The following AVL9 variants were observed in gnomAD, a reference collection of about 807,000 sequenced individuals.
AVL9 encodes late secretory pathway protein AVL9 homolog.
AVL9 carries 49 observed loss-of-function variants against 79.2 expected under a neutral mutation model. The ratio of observed to expected loss-of-function variants is 0.62; its 90% CI spans 0.49 to 0.79. The LOEUF (loss-of-function observed/expected upper bound fraction) is 0.79, where lower values mean the gene tolerates loss of function less well. AVL9 is among the 30% of genes least tolerant of loss of function. The pLI is 0.00. For synonymous variants in AVL9, 299 were observed against 280.6 expected (o/e 1.07, Z -0.65); for missense variants, 682 against 776.8 (o/e 0.88, Z 1.45).
At chr7:32,511,028 A>G (rs1454096256) in intron 1 of AVL9, among the ~76,000 whole-genome samples, 1 of 121,506 alleles carries the variant, frequency 8.2e-6, no homozygotes. Context: ...TCCCCAGGGT[A>G]AGATTTGTGA....
At chr7:32,536,286 T>C (rs1236848545) in intron 1 of AVL9, 1 of 152,214 alleles carries the variant, frequency 6.6e-6, no homozygotes, top group African/African-American at 2.4e-5. Flanking sequence ...CCTACTACAC[T>C]TATCATCACT....
At chr7:32,519,060 A>G (rs920754083) in intron 1 of AVL9, among the ~76,000 whole-genome samples, 1 of 152,202 alleles carries the variant, frequency 6.6e-6, no homozygotes. Context: ...TGTTATATCT[A>G]TGATTATATG....
At chr7:32,522,208 C>G (rs1427084594) in intron 1 of AVL9, among the ~76,000 whole-genome samples, 1 of 152,194 alleles carries the variant, frequency 6.6e-6, no homozygotes, top group African/African-American at 2.4e-5. Flanking sequence ...CCATTGTCTT[C>G]TAGACCCCAG....
chr7:32,497,103 C>A (rs561429352), intron 1 of AVL9, among the ~76,000 whole-genome samples: 11 of 132,790 alleles, frequency 8.3e-5, no homozygotes, highest in African/African-American at 3.2e-4. Context: ...CTGTCTCAAT[C>A]CCAGCACTTT....
In AVL9 at chr7:32,584,255, A is replaced by G. The variant is rs578014273; in HGVS notation, c.*348A>G. On this transcript the variant is annotated 3_prime_UTR_variant, in exon 16 of 16. Coordinates refer to ENST00000318709, the MANE Select transcript of AVL9 (RefSeq NM_015060.3). ...AATTTTGTTCTGTTTTGGTGTTTGA[A>G]TATCTAGATGGTCACTGTAATTTAT... 1.6e-5 allele frequency: 4 copies of G among 250,424 alleles called. No individual in the cohort carries two copies. Among genetic ancestry groups the G allele is most frequent in the Non-Finnish European group, 3.2e-5 (4 of 126,900 alleles). 15.5% of individuals were successfully genotyped at this position (250,424 alleles called of 1,614,324 possible). A position where few individuals can be genotyped will look rare whatever the true frequency, so the allele number is the denominator to read the frequency against.
At chr7:32,531,599 TCTCAA>T in intron 1 of AVL9, 1 of 151,996 alleles carries the variant, frequency 6.6e-6, no homozygotes, top group Non-Finnish European at 1.5e-5. Context: ...AGCCCACCGT[TCTCAA>T]CTCCTCGCAG....
rs867629076 is a variant in AVL9, at chr7:32,579,499, T to A, written c.1689-720T>A. Among the ~76,000 whole-genome samples, 48 of 4,970 alleles carry A rather than the reference T, an allele frequency of 9.7e-3. 12 individuals are homozygous for A. The highest frequency in any genetic ancestry group is 0.052 in the South Asian group (7 of 134). The allele number at this position is 4,970 out of a possible 152,430, so 3.3% of individuals were successfully genotyped here. On this transcript the variant is annotated intron_variant, in intron 13 of 15. Coordinates refer to ENST00000318709, the MANE Select transcript of AVL9 (RefSeq NM_015060.3). ...ATATTATATATAATATATTACATAT[T>A]ATATATTATATATTATATTATATAT...
chr7:32,503,369 T>C (rs147541099), intron 1 of AVL9, among the ~76,000 whole-genome samples: 47,335 of 99,954 alleles, frequency 0.47, 11,303 homozygotes, highest in Non-Finnish European at 0.51. Flanking sequence ...GAGATATATA[T>C]ATATACACAC....
At chr7:32,560,382 G>T (rs949431364) in intron 10 of AVL9, among the ~76,000 whole-genome samples, 2 of 151,564 alleles carry the variant, frequency 1.3e-5, no homozygotes, top group Admixed American at 6.6e-5. Flanking sequence ...ATCCTTTGTT[G>T]TCATTTCAAC....
At chr7:32,533,109 C>A (rs370282072) in intron 1 of AVL9, 3 of 152,192 alleles carry the variant, frequency 2.0e-5, no homozygotes, top group East Asian at 1.9e-4. Context: ...GAGTTCAAGA[C>A]CAGCCTGGCC....
At chr7:32,542,366 CCT>C in intron 1 of AVL9, among the ~76,000 whole-genome samples, 1 of 142,380 alleles carries the variant, frequency 7.0e-6, no homozygotes, top group East Asian at 2.1e-4. Flanking sequence ...GTGGTGAAAC[CCT>C]GTCTCTAGTA....
Position 32,585,989 on chromosome 7 carries a change from G to A in AVL9, c.*2082G>A, listed in dbSNP as rs1016209637. ...GTACAATTGTTACCTCTCAGCTGCT[G>A]AAGTTCACACTTCAAGGATCTAGGA... On this transcript the variant is annotated 3_prime_UTR_variant, in exon 16 of 16. Coordinates refer to ENST00000318709, the MANE Select transcript of AVL9 (RefSeq NM_015060.3). The A allele has an allele frequency of 2.0e-5, 3 of 152,186 alleles. No individual in the cohort carries two copies. The highest frequency in any genetic ancestry group is 7.2e-5 in the African/African-American group (3 of 41,452). 9.4% of individuals were successfully genotyped at this position (152,186 alleles called of 1,614,324 possible). A position where few individuals can be genotyped will look rare whatever the true frequency, so the allele number is the denominator to read the frequency against.
At chr7:32,568,286 C>A (rs1427544564) in intron 10 of AVL9, among the ~76,000 whole-genome samples, 1 of 151,720 alleles carries the variant, frequency 6.6e-6, no homozygotes, top group African/African-American at 2.4e-5. Flanking sequence ...CTGCAACCTC[C>A]ACCTCCTGGG....
rs376180979 is a variant in AVL9, at chr7:32,573,433, G to A, written c.1570+15G>A. 30 of 1,597,164 alleles carry A rather than the reference G, an allele frequency of 1.9e-5. No homozygotes were observed. The highest frequency in any genetic ancestry group is 1.3e-4 in the African/African-American group (10 of 74,706). ...ACTGCAATTAGGTAAGAAACCACAC[G>A]GAGCCTACAGCTACCTGTTTTATTA... On this transcript the variant is annotated intron_variant, in intron 12 of 15. Coordinates refer to ENST00000318709, the MANE Select transcript of AVL9 (RefSeq NM_015060.3).
At chr7:32,546,117 T>A (rs184385725) in intron 3 of AVL9, among the ~76,000 whole-genome samples, 2 of 149,388 alleles carry the variant, frequency 1.3e-5, no homozygotes, top group East Asian at 4.0e-4. Context: ...TCCTAGTGAC[T>A]GAATTAGAAT....
At chr7:32,543,852 A>G (rs1462064417) in intron 2 of AVL9, among the ~76,000 whole-genome samples, 1 of 151,678 alleles carries the variant, frequency 6.6e-6, no homozygotes, top group Non-Finnish European at 1.5e-5. Context: ...ATGGTATTTG[A>G]TGCTCTACAA....
chr7:32,547,623 T>G (rs1369526902), intron 3 of AVL9, among the ~76,000 whole-genome samples: 1 of 152,148 alleles, frequency 6.6e-6, no homozygotes, highest in Non-Finnish European at 1.5e-5. Context: ...AGGAGTACAT[T>G]AGAGTTGCCC....
chr7:32,507,356 G>T (rs555599009), intron 1 of AVL9, among the ~76,000 whole-genome samples: 1 of 152,170 alleles, frequency 6.6e-6, no homozygotes. Flanking sequence ...TACCTCACAA[G>T]TCTAGAAATA....
intron 1 of AVL9, among the ~76,000 whole-genome samples, chr7:32,501,926 A>G (rs939229808): frequency 2.0e-5 from 3 of 152,124 alleles, no homozygotes; most frequent in African/African-American, 7.2e-5. Context: ...TACCTACTTA[A>G]TTTTAAGACT....
Sources: gnomAD v4.1 joint callset for allele counts (sites outside exome capture counted in the v4.1 genomes callset) on GRCh38, gnomAD v4.1.1 for gene constraint, MANE v1.5 for transcripts, NCBI Gene and HGNC (gene_info 2026-07-23, HGNC 2026-07-21) for gene names.